DROSHA: variants seen among roughly 807,000 people sequenced by gnomAD.
DROSHA encodes the protein drosha ribonuclease III, also known as ribonuclease 3.
A neutral mutation model predicts 181.9 loss-of-function variants in DROSHA; 56 were observed. That is an observed-to-expected ratio of 0.31 (90% CI 0.25 to 0.38). DROSHA has a LOEUF of 0.38. DROSHA is among the 10% of genes least tolerant of loss of function. DROSHA has a pLI of 1.00. For synonymous variants in DROSHA, 524 were observed against 591.2 expected, an observed-to-expected ratio of 0.89 and a Z score of 1.65; for missense variants, 1,218 against 1,743.5, an observed-to-expected ratio of 0.70 and a Z score of 5.37.
At chr5:31,421,982 T>C (rs1407372809) in intron 29 of DROSHA, 1 of 140,696 alleles carries the variant, frequency 7.1e-6, no homozygotes, top group Non-Finnish European at 1.5e-5. Flanking sequence ...CCCCAGCTAC[T>C]CAGGAGGCTG....
chr5:31,479,239 C>A lies in DROSHA; in HGVS notation c.2071+4315G>T, dbSNP rs566594575. 1.2e-3 allele frequency among the ~76,000 whole-genome samples: 181 copies of A among 152,306 alleles called. 1 individual carries two copies. The highest frequency in any genetic ancestry group is 6.8e-3 in the Middle Eastern group (2 of 294). On this transcript the variant is annotated intron_variant, in intron 16 of 35. Coordinates refer to ENST00000344624, the MANE Select transcript of DROSHA (RefSeq NM_001382508.1). ...ACAATACAAATCAAGCCATTTACAG[C>A]ATTTACCCATTTTCACATGTTCAGA...
At chr5:31,512,218 CATT>C (rs1252789964) in intron 8 of DROSHA, among the ~76,000 whole-genome samples, 1 of 152,188 alleles carries the variant, frequency 6.6e-6, no homozygotes, top group African/African-American at 2.4e-5. Flanking sequence ...GGCCCCATCT[CATT>C]GTTGGGAGTG....
chr5:31,449,378 C>T lies in DROSHA; in HGVS notation c.2724G>A (p.Met908Ile). ...THPSHHLNFG[M>I]NPDHARNSLS... ...ATGAATTCCTGGCATGATCAGGATT[C>T]ATTCCAAAATTTAAATGATGACTTG... Residue 908 changes from methionine to isoleucine, a missense_variant, in exon 22 of 36, where the codon ATG becomes ATA. Met to Ile is a conservative substitution (Grantham distance 10). Around this residue, in one of 8 missense-constraint regions of DROSHA, gnomAD observed 460 missense variants for 774.2 expected, o/e 0.59. Transcript: ENST00000344624. 1.2e-6 allele frequency: 2 copies of T among 1,601,884 alleles called. No homozygotes were observed. The highest frequency in any genetic ancestry group is 4.5e-5 in the East Asian group (2 of 44,658).
rs543955930 is a variant in DROSHA, at chr5:31,465,739, T to TG, written c.2466+442_2466+443insC. Among the ~76,000 whole-genome samples the TG allele has an allele frequency of 2.9e-5, 3 of 104,950 alleles. No individual in the cohort carries two copies. The South Asian group carries it at 1.3e-3, about 45-fold the overall frequency. 68.9% of individuals were successfully genotyped at this position (104,950 alleles called of 152,430 possible). A position where few individuals can be genotyped will look rare whatever the true frequency, so the allele number is the denominator to read the frequency against. On this transcript the variant is annotated intron_variant, in intron 19 of 35. Coordinates refer to ENST00000344624, the MANE Select transcript of DROSHA (RefSeq NM_001382508.1). ...AATGAGTTCATGTGAGATCTGCTTG[T>TG]TAAAGAGAGTCTGGGACCTCCCTCC...
intron 13 of DROSHA, 138 bp from the exon 14 acceptor site, chr5:31,486,700 A>G: frequency 1.6e-6 from 1 of 641,244 alleles, no homozygotes; most frequent in African/African-American, 1.8e-5. Context: ...ACAACACTGC[A>G]CATGAAGCTT....
chr5:31,530,277 C>T (rs762129739), intron 3 of DROSHA, among the ~76,000 whole-genome samples: 4 of 152,026 alleles, frequency 2.6e-5, no homozygotes, highest in Admixed American at 6.6e-5. Context: ...TGAGTCACTG[C>T]GCCTGACTCC....
chr5:31,435,807 C>G lies in DROSHA; in HGVS notation c.3000G>C (p.Arg1000=), dbSNP rs1163762002. ...SLEEGGLATY[R]TAIVQNQHLA... is the part of the protein sequence containing the mutation. ...GGTGCTGATTCTGAACAATGGCAGT[C>G]CGATAGGTTGCTAATCCTCCTTCTT... The change falls in exon 25 of 36, where the codon CGG becomes CGC. Residue 1000 remains arginine, a synonymous_variant. Transcript: ENST00000344624. 1 of 1,613,838 alleles carries G rather than the reference C, an allele frequency of 6.2e-7. No individual in the cohort carries two copies. The highest frequency in any genetic ancestry group is 1.1e-5 in the South Asian group (1 of 91,058).
At chr5:31,455,162 C>T (rs1747500451) in intron 20 of DROSHA, among the ~76,000 whole-genome samples, 1 of 151,734 alleles carries the variant, frequency 6.6e-6, no homozygotes, top group African/African-American at 2.4e-5. Flanking sequence ...CAAGAAGGAA[C>T]ACAAAATCAT....
intron 20 of DROSHA, among the ~76,000 whole-genome samples, chr5:31,463,933 G>T (rs1748724310): frequency 6.6e-6 from 1 of 152,120 alleles, no homozygotes; most frequent in Admixed American, 6.5e-5. Flanking sequence ...ACAGGCAGAT[G>T]CATGAGCAGA....
In DROSHA at chr5:31,472,252, G is replaced by A. The variant is rs1374556112; in HGVS notation, c.2072-20C>T. The A allele has an allele frequency of 6.4e-7, 1 of 1,567,762 alleles. No individual in the cohort carries two copies. The highest frequency in any genetic ancestry group is 1.4e-5 in the African/African-American group (1 of 73,320). On this transcript the variant is annotated intron_variant, in intron 16 of 35. Coordinates refer to ENST00000344624, the MANE Select transcript of DROSHA (RefSeq NM_001382508.1). ...CTCCATCTTGGGTGGGAATGGGAGT[G>A]GAGAGAAGGGGAAAAATAAGGCTAC...
intron 30 of DROSHA, among the ~76,000 whole-genome samples, chr5:31,414,567 T>C (rs1412813042): frequency 6.6e-6 from 1 of 152,210 alleles, no homozygotes; most frequent in African/African-American, 2.4e-5. Flanking sequence ...AAATGGAGAA[T>C]GTAGTACCTA....
At chr5:31,493,094 T>G in intron 13 of DROSHA, 113 bp downstream of exon 13, 1 of 1,075,778 alleles carries the variant, frequency 9.3e-7, no homozygotes, top group Non-Finnish European at 1.4e-6. Context: ...TACAGAGGGA[T>G]GCAGAGGAAA....
At chr5:31,515,280 C>A in intron 7 of DROSHA, 61 bp from the exon 8 acceptor site, 3 of 1,509,594 alleles carry the variant, frequency 2.0e-6, no homozygotes, top group Non-Finnish European at 2.7e-6. Context: ...AAAAACTATT[C>A]TATTTCACCT....
intron 35 of DROSHA, among the ~76,000 whole-genome samples, chr5:31,402,501 A>G (rs1024128846): frequency 1.3e-5 from 2 of 152,080 alleles, no homozygotes; most frequent in East Asian, 3.8e-4. Context: ...TCTGTGCCTG[A>G]TTTGTAAATT....
At chr5:31,519,173 C>G (rs1739595461) in intron 6 of DROSHA, among the ~76,000 whole-genome samples, 1 of 152,140 alleles carries the variant, frequency 6.6e-6, no homozygotes, top group Non-Finnish European at 1.5e-5. Context: ...ACCTTCTCTG[C>G]AAGCTACCAG....
At chr5:31,481,315 T>G (rs1324198811) in intron 16 of DROSHA, among the ~76,000 whole-genome samples, 1 of 152,226 alleles carries the variant, frequency 6.6e-6, no homozygotes, top group African/African-American at 2.4e-5. Context: ...TTTTTCTTTA[T>G]GACAACCTAA....
intron 29 of DROSHA, 25 bp downstream of exon 29, chr5:31,422,762 G>C: frequency 6.2e-7 from 1 of 1,613,110 alleles, no homozygotes; most frequent in Non-Finnish European, 8.5e-7. Context: ...GTCACATTGG[G>C]ACTACATGAG....
intron 13 of DROSHA, among the ~76,000 whole-genome samples, chr5:31,490,542 T>C (rs1752287077): frequency 6.6e-6 from 1 of 152,162 alleles, no homozygotes; most frequent in South Asian, 2.1e-4. Flanking sequence ...ATAACAAATG[T>C]ACTACATAAA....
chr5:31,504,615 G>A lies in DROSHA; in HGVS notation c.1608C>T (p.Cys536=), dbSNP rs752577114. The A allele has an allele frequency of 6.2e-7, 1 of 1,613,916 alleles. No individual in the cohort carries two copies. The highest frequency in any genetic ancestry group is 8.5e-7 in the Non-Finnish European group (1 of 1,179,866). ...DPGQMNDGPL[C]KCSAKARRTG... is the part of the protein sequence containing the mutation. ...TGCGTCTTGCCTTTGCGCTGCATTT[G>A]CAGAGTGGTCCATCATTCATCTGTC... Residue 536 remains cysteine (C), a synonymous_variant, in exon 11 of 36, where the codon TGC becomes TGT. Transcript: ENST00000344624.
Sources: allele counts gnomAD v4.1 joint callset (sites outside exome capture counted in the v4.1 genomes callset), GRCh38; gene constraint gnomAD v4.1.1; regional missense constraint gnomAD v4.1.1; transcripts MANE v1.5; gene names NCBI Gene and HGNC (gene_info 2026-07-23, HGNC 2026-07-21).